Variants in GRIA1 observed in about 807,000 individuals in gnomAD.
The protein encoded by GRIA1 is glutamate ionotropic receptor AMPA type subunit 1.
Under a neutral mutation model 99.2 loss-of-function variants are expected in GRIA1, and 31 were observed. That is an observed-to-expected ratio of 0.31 (90% CI 0.23 to 0.42). The LOEUF (loss-of-function observed/expected upper bound fraction) is 0.42. Ranked by LOEUF, GRIA1 falls within the 10% of genes least tolerant of loss-of-function variation. The pLI is 1.00. For synonymous variants in GRIA1, 438 were observed against 432.4 expected (o/e 1.01, Z -0.16); for missense variants, 782 against 1,157.5 (o/e 0.68, Z 4.71).
At chr5:153,788,198 G>C (rs996500493) in intron 13 of GRIA1, among the ~76,000 whole-genome samples, 1 of 152,008 alleles carries the variant, frequency 6.6e-6, no homozygotes, top group African/African-American at 2.4e-5. Flanking sequence ...ACAATCTCAA[G>C]GGAAAAATCA....
chr5:153,492,847 A>G (rs1754055085), intron 1 of GRIA1, among the ~76,000 whole-genome samples: 1 of 152,202 alleles, frequency 6.6e-6, no homozygotes, highest in Non-Finnish European at 1.5e-5. Flanking sequence ...TATCACTGCC[A>G]TCAGGTAGTA....
chr5:153,691,594 C>A (rs191379259), intron 8 of GRIA1, among the ~76,000 whole-genome samples: 15 of 152,268 alleles, frequency 9.9e-5, no homozygotes, highest in Non-Finnish European at 1.6e-4. Context: ...TTCTAAAGTC[C>A]CAAAGAATTT....
intron 2 of GRIA1, among the ~76,000 whole-genome samples, chr5:153,575,197 A>AAGAGAGAGAGAGAGAGAGAGAGAG: frequency 6.8e-6 from 1 of 147,768 alleles, no homozygotes; most frequent in East Asian, 2.0e-4. Flanking sequence ...TCAAGAGAGA[A>AAGAGAGAGAGAGAGAGAGAGAGAG]AGAGAGAGAG....
At chr5:153,635,936 G>A (rs1753324144) in intron 2 of GRIA1, among the ~76,000 whole-genome samples, 1 of 152,194 alleles carries the variant, frequency 6.6e-6, no homozygotes, top group South Asian at 2.1e-4. Flanking sequence ...AGGAAGCCTG[G>A]AACTCAGAAC....
rs1001095602 is a variant in GRIA1 at position 153,545,506 on chromosome 5, C to T, written c.220+51441C>T. 6.4e-4 allele frequency among the ~76,000 whole-genome samples: 97 copies of T among 151,922 alleles called. 1 individual carries two copies. The highest frequency in any genetic ancestry group is 1.9e-4 in the East Asian group (1 of 5,178). ...CATAACCTTCTATGCATTTCAGGGT[C>T]GGCTTAAGGATATTTGCAAAGAACA... On this transcript the variant is annotated intron_variant, in intron 2 of 15. Transcript: ENST00000285900.
At chr5:153,701,294 C>CT (rs1198057430) in intron 10 of GRIA1, among the ~76,000 whole-genome samples, 3 of 152,112 alleles carry the variant, frequency 2.0e-5, no homozygotes, top group Admixed American at 2.0e-4. Context: ...TAGCCTCCTC[C>CT]TTATCAGGCC....
chr5:153,792,082 G>C (rs1374350617), intron 13 of GRIA1, among the ~76,000 whole-genome samples: 4 of 152,116 alleles, frequency 2.6e-5, no homozygotes, highest in African/African-American at 9.7e-5. Context: ...CAATGAGCTA[G>C]AACAGCACTG....
intron 2 of GRIA1, among the ~76,000 whole-genome samples, chr5:153,599,232 ATTGCTAATTCTAGT>A (rs1764682760): frequency 1.3e-5 from 2 of 152,166 alleles, no homozygotes; most frequent in African/African-American, 4.8e-5. Context: ...ATTGAAGTCC[ATTGCTAATTCTAGT>A]TTGACACTTT....
intron 13 of GRIA1, among the ~76,000 whole-genome samples, chr5:153,787,828 G>A (rs1488293139): frequency 2.0e-5 from 3 of 152,016 alleles, no homozygotes; most frequent in African/African-American, 4.8e-5. Flanking sequence ...TAAATTTAAT[G>A]CATCCACTTT....
chr5:153,656,383 T>TTATATATATATATATATATA lies in GRIA1; in HGVS notation c.699+523_699+542dup, dbSNP rs60245651. Among the ~76,000 whole-genome samples the TTATATATATATATATATATA allele has an allele frequency of 8.0e-3, 738 of 91,902 alleles. 6 individuals are homozygous for TTATATATATATATATATATA. Among genetic ancestry groups the TTATATATATATATATATATA allele is most frequent in the Non-Finnish European group, 0.01 (440 of 43,496 alleles). The allele number at this position is 91,902 out of a possible 152,430, so 60.3% of individuals were successfully genotyped here. On this transcript the variant is annotated intron_variant, in intron 5 of 15. Transcript: ENST00000285900. ...TTCTATATGGCATAGATAAGTTTGTTTATATATATATATATATATATATAT... is the reference window on the plus strand; with the variant it reads ...TTCTATATGGCATAGATAAGTTTGTTTATATATATATATATATATATATATATATATATATATATATATAT...
At chr5:153,780,986 G>C (rs982012642) in intron 13 of GRIA1, among the ~76,000 whole-genome samples, 1 of 152,110 alleles carries the variant, frequency 6.6e-6, no homozygotes, top group Non-Finnish European at 1.5e-5. Context: ...GCCCAGTCTC[G>C]GAGGGCAGGC....
intron 2 of GRIA1, among the ~76,000 whole-genome samples, chr5:153,523,673 T>C (rs1341391286): frequency 6.6e-6 from 1 of 152,134 alleles, no homozygotes; most frequent in East Asian, 1.9e-4. Context: ...TCCTGTGACA[T>C]GAAAGTGATT....
intron 2 of GRIA1, among the ~76,000 whole-genome samples, chr5:153,627,694 A>G (rs925871736): frequency 6.6e-6 from 1 of 152,160 alleles, no homozygotes; most frequent in Admixed American, 6.5e-5. Flanking sequence ...AGAGAGCTGC[A>G]TATGCCCCCA....
chr5:153,711,600 A>T (rs1759319660), intron 11 of GRIA1, among the ~76,000 whole-genome samples: 1 of 152,106 alleles, frequency 6.6e-6, no homozygotes, highest in African/African-American at 2.4e-5. Context: ...AGAGGGAGGG[A>T]AAGACATTTT....
rs781643218 is a variant in GRIA1 at position 153,686,297 on chromosome 5, G to A, written c.1102G>A (p.Val368Met). 19 of 1,613,908 alleles carry A rather than the reference G, an allele frequency of 1.2e-5. No homozygotes were observed. Among genetic ancestry groups the A allele is most frequent in the African/African-American group, 2.7e-5 (2 of 75,048 alleles). The change falls in exon 8 of 16, where the codon GTG becomes ATG. Residue 368 changes from valine to methionine, a missense_variant. Transcript: ENST00000285900. ...ACGCCGGACCAACTACACGCTCCACGTGATTGAAATGAAACATGACGGCAT... is the reference window on the plus strand; with the variant it reads ...ACGCCGGACCAACTACACGCTCCACATGATTGAAATGAAACATGACGGCAT... ...KGRRTNYTLH[V>M]IEMKHDGIRK...
At chr5:153,602,677 G>T (rs114017725) in intron 2 of GRIA1, among the ~76,000 whole-genome samples, 18 of 152,226 alleles carry the variant, frequency 1.2e-4, no homozygotes, top group African/African-American at 4.3e-4. Context: ...TCCAGCCATC[G>T]TTGCTAGCTA....
chr5:153,593,077 C>A (rs529023420), intron 2 of GRIA1, among the ~76,000 whole-genome samples: 84 of 152,210 alleles, frequency 5.5e-4, no homozygotes, highest in Non-Finnish European at 1.0e-3. Context: ...ACCAACCTGG[C>A]CAAGATGGCA....
chr5:153,592,017 G>A (rs530805539), intron 2 of GRIA1, among the ~76,000 whole-genome samples: 1 of 151,858 alleles, frequency 6.6e-6, no homozygotes, highest in African/African-American at 2.4e-5. Flanking sequence ...AAAACATCTC[G>A]GGCTTTATTC....
intron 8 of GRIA1, among the ~76,000 whole-genome samples, chr5:153,693,597 A>T (rs1757909812): frequency 6.6e-6 from 1 of 152,220 alleles, no homozygotes; most frequent in African/African-American, 2.4e-5. Context: ...CCACTTAAAA[A>T]ATCTGATCTG....
Sources: allele counts gnomAD v4.1 joint callset (sites outside exome capture counted in the v4.1 genomes callset), GRCh38; gene constraint gnomAD v4.1.1; transcripts MANE v1.5; gene names NCBI Gene and HGNC (gene_info 2026-07-23, HGNC 2026-07-21).